The following RCOR1 variants were observed in gnomAD, a reference collection of about 807,000 sequenced individuals.
The protein encoded by RCOR1 is REST corepressor 1.
A neutral mutation model predicts 64.0 loss-of-function variants in RCOR1; 12 were observed. That is an observed-to-expected ratio of 0.19 (90% CI 0.12 to 0.30). RCOR1 has a LOEUF of 0.30. Ranked by LOEUF, RCOR1 falls within the 10% of genes least tolerant of loss-of-function variation. RCOR1 has a pLI of 1.00. For missense variants in RCOR1, 502 were observed against 621.2 expected, an observed-to-expected ratio of 0.81 and a Z score of 2.04; for synonymous variants, 279 against 227.2, an observed-to-expected ratio of 1.23 and a Z score of -2.05.
intron 2 of RCOR1, among the ~76,000 whole-genome samples, chr14:102,666,585 G>C (rs1052449410): frequency 6.6e-6 from 1 of 152,076 alleles, no homozygotes; most frequent in Non-Finnish European, 1.5e-5. Flanking sequence ...TTGCCTTGTT[G>C]CTTTAGGTTC....
intron 7 of RCOR1, 141 bp from the exon 8 acceptor site, chr14:102,714,282 A>G (rs1399020720): frequency 3.9e-6 from 2 of 515,406 alleles, no homozygotes; most frequent in African/African-American, 3.8e-5. Context: ...GCCTGTTAGA[A>G]TTTATAGATC....
intron 8 of RCOR1, among the ~76,000 whole-genome samples, chr14:102,720,728 A>G (rs1441231713): frequency 6.6e-6 from 1 of 152,184 alleles, no homozygotes; most frequent in Non-Finnish European, 1.5e-5. Context: ...TTTGCTGCTC[A>G]GGTATCACCT....
intron 2 of RCOR1, among the ~76,000 whole-genome samples, chr14:102,639,497 T>TTTATTTATTTA (rs1894317962): frequency 7.4e-6 from 1 of 135,388 alleles, no homozygotes; most frequent in Non-Finnish European, 1.6e-5. Flanking sequence ...ATTTTTTAAT[T>TTTATTTATTTA]TTTATTTATT....
intron 2 of RCOR1, among the ~76,000 whole-genome samples, chr14:102,603,675 C>T (rs116792245): frequency 0.089 from 13,530 of 151,930 alleles, 658 homozygotes; most frequent in Middle Eastern, 0.15. Flanking sequence ...GGCTGGAGTG[C>T]GGTGGCTTAA....
intron 2 of RCOR1, among the ~76,000 whole-genome samples, chr14:102,663,176 T>G (rs544748483): frequency 9.8e-5 from 15 of 152,350 alleles, no homozygotes; most frequent in Middle Eastern, 6.8e-3. Flanking sequence ...CCTGCTGCCA[T>G]CCACGTAAGA....
chr14:102,667,027 AGTGATTTGATCAGAATTAT>A (rs1471799751), intron 2 of RCOR1, among the ~76,000 whole-genome samples: 1 of 152,118 alleles, frequency 6.6e-6, no homozygotes, highest in African/African-American at 2.4e-5. Flanking sequence ...TAACGTGGAA[AGTGATTTGATCAGAATTAT>A]GTTCCAGGGC....
At chr14:102,652,017 C>T (rs553887241) in intron 2 of RCOR1, among the ~76,000 whole-genome samples, 12 of 152,222 alleles carry the variant, frequency 7.9e-5, no homozygotes, top group African/African-American at 2.9e-4. Flanking sequence ...GTAGAAATTG[C>T]TAGGAATGTT....
chr14:102,653,687 C>T (rs1305963315), intron 2 of RCOR1, among the ~76,000 whole-genome samples: 1 of 151,914 alleles, frequency 6.6e-6, no homozygotes, highest in East Asian at 1.9e-4. Flanking sequence ...AGCTCTCGGG[C>T]GATCGGGTCG....
chr14:102,631,269 C>T (rs1894105829), intron 2 of RCOR1, among the ~76,000 whole-genome samples: 1 of 150,956 alleles, frequency 6.6e-6, no homozygotes, highest in South Asian at 2.1e-4. Context: ...GTGGCGCAAT[C>T]TCGGCTCACG....
intron 2 of RCOR1, among the ~76,000 whole-genome samples, chr14:102,607,255 A>G (rs1025392407): frequency 2.8e-4 from 43 of 152,212 alleles, no homozygotes; most frequent in African/African-American, 1.0e-3. Flanking sequence ...TTTAATGGAC[A>G]TTTGATAAGG....
At chr14:102,718,768 G>C (rs1896118611) in intron 8 of RCOR1, among the ~76,000 whole-genome samples, 1 of 151,984 alleles carries the variant, frequency 6.6e-6, no homozygotes, top group Non-Finnish European at 1.5e-5. Context: ...ATAAACACTA[G>C]ATGTTTGGCG....
At chr14:102,594,892 T>C (rs1893211442) in intron 2 of RCOR1, among the ~76,000 whole-genome samples, 1 of 152,230 alleles carries the variant, frequency 6.6e-6, no homozygotes. Flanking sequence ...ATGTATTATT[T>C]TTAAAAATCG....
chr14:102,668,465 T>TG lies in RCOR1; in HGVS notation c.362-13427dup, dbSNP rs1167498104. Among the ~76,000 whole-genome samples, 7 of 152,302 alleles carry TG rather than the reference T, an allele frequency of 4.6e-5. No homozygotes were observed. The East Asian group carries it at 1.2e-3, about 25-fold the overall frequency. ...ATTAACAATCTAGTTGGGTATTTACTGGGTAATACAATACAAAGTAAGCAA... is the reference window on the plus strand; with the variant it reads ...ATTAACAATCTAGTTGGGTATTTACTGGGGTAATACAATACAAAGTAAGCAA... On this transcript the variant is annotated intron_variant, in intron 2 of 11. Transcript: ENST00000262241.
At chr14:102,662,428 CTTG>C (rs943651126) in intron 2 of RCOR1, 42 of 557,398 alleles carry the variant, frequency 7.5e-5, no homozygotes, top group African/African-American at 4.0e-4. Flanking sequence ...ACACAAGTGT[CTTG>C]TTGTCCTCGC....
intron 2 of RCOR1, among the ~76,000 whole-genome samples, chr14:102,629,434 T>C (rs950372618): frequency 4.0e-5 from 4 of 99,066 alleles, no homozygotes; most frequent in Non-Finnish European, 2.3e-5. Flanking sequence ...CTTGTTGCCT[T>C]AACAGCCTCC....
At chr14:102,703,999 T>G (rs192749965) in intron 4 of RCOR1, among the ~76,000 whole-genome samples, 16 of 152,346 alleles carry the variant, frequency 1.1e-4, no homozygotes, top group African/African-American at 3.8e-4. Context: ...TGTAATCAGT[T>G]TTGTCTCCTG....
chr14:102,625,502 T>C (rs899642495), intron 2 of RCOR1, among the ~76,000 whole-genome samples: 1 of 151,644 alleles, frequency 6.6e-6, no homozygotes, highest in African/African-American at 2.4e-5. Flanking sequence ...CCCAAAGTGC[T>C]GGGATTACAG....
intron 2 of RCOR1, among the ~76,000 whole-genome samples, chr14:102,627,169 C>T (rs1239290584): frequency 6.6e-6 from 1 of 152,194 alleles, no homozygotes; most frequent in Non-Finnish European, 1.5e-5. Context: ...TACCTGTCTA[C>T]ATCTGTGCCT....
At chr14:102,704,913 C>G (rs1273043863) in intron 4 of RCOR1, among the ~76,000 whole-genome samples, 1 of 151,926 alleles carries the variant, frequency 6.6e-6, no homozygotes, top group African/African-American at 2.4e-5. Context: ...TTTGTTGAGC[C>G]CAGGAGGTTG....
Sources: gnomAD v4.1 joint callset for allele counts (sites outside exome capture counted in the v4.1 genomes callset) on GRCh38, gnomAD v4.1.1 for gene constraint, MANE v1.5 for transcripts, NCBI Gene and HGNC (gene_info 2026-07-23, HGNC 2026-07-21) for gene names.